The following PCDHGB1 variants were observed in gnomAD, a reference collection of about 807,000 sequenced individuals.
PCDHGB1 encodes protocadherin gamma subfamily B, 1, also known as protocadherin gamma-B1.
Under a neutral mutation model 56.6 loss-of-function variants are expected in PCDHGB1, and 34 were observed. That is an observed-to-expected ratio of 0.60 (90% CI 0.46 to 0.80). The LOEUF (loss-of-function observed/expected upper bound fraction) is 0.80. PCDHGB1 is among the 30% of genes least tolerant of loss of function. PCDHGB1 has a pLI of 0.00. For missense variants in PCDHGB1, 1,278 were observed against 1,204.6 expected, an observed-to-expected ratio of 1.06 and a Z score of -0.90; for synonymous variants, 561 against 505.9, an observed-to-expected ratio of 1.11 and a Z score of -1.46.
chr5:141,369,377 GT>G (rs1049592188), intron 1 of PCDHGB1, among the ~76,000 whole-genome samples: 53 of 152,270 alleles, frequency 3.5e-4, no homozygotes, highest in African/African-American at 1.3e-3. Flanking sequence ...CTTTGTAAAA[GT>G]TTTTCATTTG....
At chr5:141,410,535 A>T (rs2095405545) in intron 1 of PCDHGB1, 9 of 1,613,752 alleles carry the variant, frequency 5.6e-6, no homozygotes, top group Non-Finnish European at 7.6e-6. Context: ...TCCAATGAAG[A>T]CATGGTTTGC....
chr5:141,376,155 T>C, intron 1 of PCDHGB1: 1 of 1,614,062 alleles, frequency 6.2e-7, no homozygotes, highest in Non-Finnish European at 8.5e-7. Context: ...GACCTCACTC[T>C]GTACCTGGTG....
chr5:141,509,621 C>T (rs1179988828), intron 3 of PCDHGB1, among the ~76,000 whole-genome samples: 1 of 152,178 alleles, frequency 6.6e-6, no homozygotes, highest in African/African-American at 2.4e-5. Flanking sequence ...AAACAAGTTC[C>T]TGGGTGATGC....
chr5:141,366,788 T>G, intron 1 of PCDHGB1: 1 of 1,571,338 alleles, frequency 6.4e-7, no homozygotes, highest in Non-Finnish European at 8.6e-7. Context: ...ACCAGAACAT[T>G]TTCATTTGTT....
chr5:141,491,612 G>C lies in PCDHGB1; in HGVS notation c.2410-3195G>C, dbSNP rs759955730. 1 of 1,613,906 alleles carries C rather than the reference G, an allele frequency of 6.2e-7. No individual in the cohort carries two copies. Among genetic ancestry groups the C allele is most frequent in the South Asian group, 1.1e-5 (1 of 91,080 alleles). ...GACGGCAGTGACTTCACTTTTCTAA[G>C]ACCCCTCAGCGTTCAGCAGCCCACA... On this transcript the variant is annotated intron_variant, in intron 1 of 3. Transcript: ENST00000523390. The surrounding 1 kb of genome is among the most constrained non-coding windows in gnomAD (Gnocchi z 6.9).
intron 1 of PCDHGB1, among the ~76,000 whole-genome samples, chr5:141,436,374 G>C (rs2154557079): frequency 6.6e-6 from 1 of 152,248 alleles, no homozygotes; most frequent in East Asian, 1.9e-4. Context: ...TCCAGTTTAA[G>C]CTGAATAGGC....
intron 1 of PCDHGB1, chr5:141,484,875 T>G: frequency 3.2e-6 from 1 of 317,108 alleles, no homozygotes; most frequent in Non-Finnish European, 5.8e-6. Context: ...GCGTGGAGGA[T>G]AGGGTGGGCT....
intron 1 of PCDHGB1, chr5:141,374,470 T>C (rs1171171112): frequency 6.2e-7 from 1 of 1,612,516 alleles, no homozygotes; most frequent in Admixed American, 1.7e-5. Context: ...TTAATGACAA[T>C]ACACCCCGAT....
intron 1 of PCDHGB1, among the ~76,000 whole-genome samples, chr5:141,492,631 A>G (rs1203365582): frequency 6.6e-6 from 1 of 152,184 alleles, no homozygotes; most frequent in Non-Finnish European, 1.5e-5. Flanking sequence ...GCAGGACTCT[A>G]CGATCCTTGG....
chr5:141,361,426 C>T lies in PCDHGB1; in HGVS notation c.2409+8757C>T, dbSNP rs763880650. 8.7e-6 allele frequency: 14 copies of T among 1,614,034 alleles called. No individual in the cohort carries two copies. The Admixed American group carries it at 2.3e-4, about 27-fold the overall frequency. The stretch of plus-strand genomic sequence containing the variant: ...CACAGCCACCGACGGGGGCAAGCCG[C>T]CCCTCTCCTCCAGCATAATTGTCAC... On this transcript the variant is annotated intron_variant, in intron 1 of 3. Transcript: ENST00000523390.
intron 1 of PCDHGB1, among the ~76,000 whole-genome samples, chr5:141,470,430 T>C (rs994304635): frequency 6.6e-6 from 1 of 152,232 alleles, no homozygotes; most frequent in Non-Finnish European, 1.5e-5. Flanking sequence ...TTTCCTTGTG[T>C]GCAATAATTT....
chr5:141,372,010 C>T (rs965282099), intron 1 of PCDHGB1: 7 of 1,613,262 alleles, frequency 4.3e-6, no homozygotes, highest in Non-Finnish European at 5.1e-6. Context: ...GACCAGGGCT[C>T]GCCTACGCTC....
intron 1 of PCDHGB1, among the ~76,000 whole-genome samples, chr5:141,407,487 C>T (rs928735518): frequency 7.0e-6 from 1 of 142,894 alleles, no homozygotes; most frequent in African/African-American, 2.6e-5. Context: ...TATGGAAAAT[C>T]TTTATTTCTG....
At chr5:141,497,354 A>G (rs1430368474) in intron 2 of PCDHGB1, among the ~76,000 whole-genome samples, 1 of 152,054 alleles carries the variant, frequency 6.6e-6, no homozygotes, top group Non-Finnish European at 1.5e-5. Flanking sequence ...AGCCCCACCA[A>G]CTGCCTCTCA....
In PCDHGB1 at chr5:141,501,176, T is replaced by C. The variant is rs917315609; in HGVS notation, c.2469-4217T>C. ...GCCACCATCCCCAGCCTCATTTACA[T>C]TTTAACACAATTAAATTCAGGGTGT... On this transcript the variant is annotated intron_variant, in intron 2 of 3. Coordinates refer to ENST00000523390, the MANE Select transcript of PCDHGB1 (RefSeq NM_018922.3). Among the ~76,000 whole-genome samples, 16 of 152,244 alleles carry C rather than the reference T, an allele frequency of 1.1e-4. No homozygotes were observed. In the South Asian group the frequency reaches 3.3e-3, roughly 32 times the overall value.
chr5:141,421,491 A>G (rs934861223), intron 1 of PCDHGB1: 8 of 1,614,102 alleles, frequency 5.0e-6, no homozygotes, highest in Non-Finnish European at 6.8e-6. Context: ...TGATCACGGC[A>G]GGCAGGATAG....
At chr5:141,421,774 C>G (rs767599830) in intron 1 of PCDHGB1, 27 of 1,613,772 alleles carry the variant, frequency 1.7e-5, no homozygotes, top group Middle Eastern at 1.6e-4. Context: ...TTCCTTGCAA[C>G]TGCGGGGCAG....
At chr5:141,371,198 C>T (rs1262437618) in intron 1 of PCDHGB1, 124 of 1,613,890 alleles carry the variant, frequency 7.7e-5, no homozygotes, top group Non-Finnish European at 1.0e-4. Context: ...TGGCCATTGA[C>T]ATGGATGAGG....
rs756503177 is a variant in PCDHGB1 at position 141,364,980 on chromosome 5, G to A, written c.2409+12311G>A. ...GACCTCCTCCTCACAGCTTTAGATG[G>A]CGGAGACCCGGTACTCTCCGGCACC... On this transcript the variant is annotated intron_variant, in intron 1 of 3. Coordinates refer to ENST00000523390, the MANE Select transcript of PCDHGB1 (RefSeq NM_018922.3). 6 of 1,613,754 alleles carry A rather than the reference G, an allele frequency of 3.7e-6. No homozygotes were observed. The African/African-American group carries it at 4.0e-5, about 11-fold the overall frequency.
Sources: gnomAD v4.1 joint callset for allele counts (sites outside exome capture counted in the v4.1 genomes callset) on GRCh38, gnomAD v4.1.1 for gene constraint, Gnocchi (gnomAD v3.1) non-coding constraint, MANE v1.5 for transcripts, NCBI Gene and HGNC (gene_info 2026-07-23, HGNC 2026-07-21) for gene names.